Variants in PTH2R observed in about 807,000 individuals in gnomAD.
PTH2R encodes PTH2 receptor.
PTH2R carries 59 observed loss-of-function variants against 60.3 expected under a neutral mutation model. The observed-to-expected ratio is 0.98, with a 90% CI of 0.79 to 1.22. The LOEUF (loss-of-function observed/expected upper bound fraction) is 1.22. Among genes scored for constraint, PTH2R ranks in the 50% most tolerant of loss-of-function variants. The pLI is 0.00. For missense variants in PTH2R, 749 were observed against 682.6 expected (o/e 1.10, Z -1.08); for synonymous variants, 256 against 243.8 (o/e 1.05, Z -0.47).
intron 1 of PTH2R, among the ~76,000 whole-genome samples, chr2:208,393,018 C>A (rs1440991566): frequency 6.6e-6 from 1 of 152,216 alleles, no homozygotes; most frequent in Non-Finnish European, 1.5e-5. Flanking sequence ...TCTTAAAATG[C>A]CCTGGCTGGC....
At chr2:208,368,437 C>G (rs1700634297) in intron 1 of PTH2R, among the ~76,000 whole-genome samples, 1 of 152,230 alleles carries the variant, frequency 6.6e-6, no homozygotes, top group Non-Finnish European at 1.5e-5. Flanking sequence ...CACCATTCAC[C>G]TCTCTGTTCT....
chr2:208,463,903 G>A lies in PTH2R; in HGVS notation c.981+3942G>A, dbSNP rs75172852. ...TGATTGCTTCTCTGTTTGTGCATAG[G>A]CACTTCTGATTACAGAATGTCCACT... On this transcript the variant is annotated intron_variant, in intron 9 of 12. Coordinates refer to ENST00000272847, the MANE Select transcript of PTH2R (RefSeq NM_005048.4). 9.9e-4 allele frequency among the ~76,000 whole-genome samples: 151 copies of A among 152,256 alleles called. 2 individuals carry two copies. The highest frequency in any genetic ancestry group is 3.4e-3 in the African/African-American group (140 of 41,548).
chr2:208,401,823 G>A (rs1240120824), upstream of PTH2R, among the ~76,000 whole-genome samples: 1 of 152,094 alleles, frequency 6.6e-6, no homozygotes, highest in Non-Finnish European at 1.5e-5. Flanking sequence ...GAGTGCACTG[G>A]GAACAGGACA....
intron 1 of PTH2R, among the ~76,000 whole-genome samples, chr2:208,418,177 A>G (rs1229422197): frequency 1.3e-5 from 2 of 152,142 alleles, no homozygotes; most frequent in Non-Finnish European, 2.9e-5. Flanking sequence ...AGAAATGAAT[A>G]GAAGAATTAT....
At chr2:208,437,271 A>T (rs1702092685) in intron 2 of PTH2R, among the ~76,000 whole-genome samples, 1 of 152,232 alleles carries the variant, frequency 6.6e-6, no homozygotes, top group Non-Finnish European at 1.5e-5. Flanking sequence ...TAATTGCTAT[A>T]GCTACCATAA....
intron 1 of PTH2R, among the ~76,000 whole-genome samples, chr2:208,385,236 A>T (rs1574826852): frequency 1.3e-5 from 2 of 152,182 alleles, no homozygotes; most frequent in Non-Finnish European, 1.5e-5. Flanking sequence ...ATGATGATTT[A>T]AAAAATGGCC....
chr2:208,473,246 A>T (rs975317978), intron 9 of PTH2R, among the ~76,000 whole-genome samples: 5 of 152,198 alleles, frequency 3.3e-5, no homozygotes, highest in East Asian at 1.9e-4. Context: ...ATAACATTTC[A>T]TAAGGCTTTT....
Position 208,446,454 on chromosome 2 carries a change from C to T in PTH2R, c.853+1567C>T, listed in dbSNP as rs536561037. 9.9e-5 allele frequency among the ~76,000 whole-genome samples: 15 copies of T among 152,276 alleles called. No individual in the cohort carries two copies. The East Asian group carries it at 2.1e-3, about 22-fold the overall frequency. Reference sequence around the variant, plus strand: ...ACAACTACAATAGAAATCTTCATTTCGTGAAATAGTTTGAGAACACACATG... The same window carrying T: ...ACAACTACAATAGAAATCTTCATTTTGTGAAATAGTTTGAGAACACACATG... On this transcript the variant is annotated intron_variant, in intron 7 of 12. Transcript: ENST00000272847.
chr2:208,369,366 CTCTCT>C lies in PTH2R; in HGVS notation c.-259+9131_-259+9135del, dbSNP rs1193541638. Among the ~76,000 whole-genome samples, 5 of 135,050 alleles carry C rather than the reference CTCTCT, an allele frequency of 3.7e-5. 1 individual carries two copies. In the East Asian group the frequency reaches 1.1e-3, roughly 28 times the overall value. The allele number at this position is 135,050 out of a possible 152,430, so 88.6% of individuals were successfully genotyped here. On this transcript the variant is annotated intron_variant, in intron 1 of 12. Transcript: ENST00000617735. Reference sequence around the variant, plus strand: ...TTGTCTGTAAACAACACTGGTCTCTCTCTCTTTTTTTTTTTTTTTAGAAGGAATCT... The same window carrying C: ...TTGTCTGTAAACAACACTGGTCTCTCTTTTTTTTTTTTTTAGAAGGAATCT...
chr2:208,431,815 C>G (rs940532896), intron 2 of PTH2R, among the ~76,000 whole-genome samples: 10 of 152,206 alleles, frequency 6.6e-5, no homozygotes, highest in African/African-American at 2.2e-4. Flanking sequence ...TCTAAGTAAA[C>G]AGGTCAATAG....
intron 8 of PTH2R, among the ~76,000 whole-genome samples, 156 bp downstream of exon 8, chr2:208,450,965 T>C (rs998357109): frequency 1.3e-5 from 2 of 152,076 alleles, no homozygotes; most frequent in African/African-American, 4.8e-5. Flanking sequence ...TTCCAACACA[T>C]TACCAGCAAG....
intron 5 of PTH2R, among the ~76,000 whole-genome samples, 162 bp from the exon 6 acceptor site, chr2:208,443,186 A>T (rs1011610138): frequency 1.3e-5 from 2 of 152,256 alleles, no homozygotes. Flanking sequence ...ACTATATCAT[A>T]TAAAGGACTT....
intron 7 of PTH2R, among the ~76,000 whole-genome samples, chr2:208,446,980 A>C (rs1269476704): frequency 2.0e-5 from 3 of 152,126 alleles, no homozygotes. Flanking sequence ...ACTTGCTTAA[A>C]TTCCTTTGTT....
intron 9 of PTH2R, among the ~76,000 whole-genome samples, chr2:208,479,745 T>G (rs1365590324): frequency 6.6e-6 from 1 of 152,202 alleles, no homozygotes; most frequent in East Asian, 1.9e-4. Flanking sequence ...GGATTCACAA[T>G]ACAGACTCAC....
Position 208,442,470 on chromosome 2 carries a change from T to C in PTH2R, c.509+9T>C, listed in dbSNP as rs201513414. On this transcript the variant is annotated intron_variant, in intron 5 of 12. Coordinates refer to ENST00000272847, the MANE Select transcript of PTH2R (RefSeq NM_005048.4). ...ATCATTGGTTACTTCAGGTGAGTGA[T>C]GCCCATCACTTTTTCCATGAAGGGG... is the stretch of plus-strand genomic sequence containing the variant. 8.9e-6 allele frequency: 14 copies of C among 1,575,106 alleles called. No individual in the cohort carries two copies. The highest frequency in any genetic ancestry group is 1.7e-5 in the Admixed American group (1 of 59,936).
At chr2:208,417,463 G>A (rs1163176832) in intron 1 of PTH2R, among the ~76,000 whole-genome samples, 1 of 150,850 alleles carries the variant, frequency 6.6e-6, no homozygotes, top group Non-Finnish European at 1.5e-5. Flanking sequence ...AAAAATTCCA[G>A]GTCTGTTTGT....
At chr2:208,405,282 T>A (rs745699547), upstream of PTH2R, among the ~76,000 whole-genome samples, 1 of 152,158 alleles carries the variant, frequency 6.6e-6, no homozygotes, top group Non-Finnish European at 1.5e-5. Flanking sequence ...AAAGATCTGA[T>A]GAAAAGATTT....
chr2:208,371,647 G>A (rs35444703), intron 1 of PTH2R, among the ~76,000 whole-genome samples: 57,357 of 151,914 alleles, frequency 0.38, 11,440 homozygotes, highest in East Asian at 0.52. Flanking sequence ...TAGAGATTGC[G>A]GTCAGGCATA....
chr2:208,453,600 A>G (rs1334513838), intron 8 of PTH2R, among the ~76,000 whole-genome samples: 1 of 152,174 alleles, frequency 6.6e-6, no homozygotes, highest in Non-Finnish European at 1.5e-5. Flanking sequence ...ATGCTGATCA[A>G]TTCTTCTGGA....
Sources: gnomAD v4.1 joint callset for allele counts (sites outside exome capture counted in the v4.1 genomes callset) on GRCh38, gnomAD v4.1.1 for gene constraint, MANE v1.5 for transcripts, NCBI Gene and HGNC (gene_info 2026-07-23, HGNC 2026-07-21) for gene names.